CAMTA1: variants seen among roughly 807,000 people sequenced by gnomAD.
CAMTA1 encodes calmodulin-binding transcription activator 1.
CAMTA1 carries 27 observed loss-of-function variants against 170.9 expected under a neutral mutation model. The ratio of observed to expected loss-of-function variants is 0.16; its 90% CI spans 0.12 to 0.22. CAMTA1 has a LOEUF of 0.22. Among genes scored for constraint, CAMTA1 ranks in the 10% least tolerant of loss-of-function variants. The pLI is 1.00. For missense variants in CAMTA1, 1,619 were observed against 2,217.2 expected (o/e 0.73, Z 5.42); for synonymous variants, 833 against 891.5 (o/e 0.93, Z 1.17).
chr1:7,232,222 T>G (rs572264470), intron 4 of CAMTA1, among the ~76,000 whole-genome samples: 3 of 140,280 alleles, frequency 2.1e-5, no homozygotes, highest in Admixed American at 7.3e-5. Flanking sequence ...GACAGTTGCC[T>G]GGAATCCCAG....
At chr1:7,666,415 C>G (rs2096002336) in intron 9 of CAMTA1, among the ~76,000 whole-genome samples, 1 of 152,198 alleles carries the variant, frequency 6.6e-6, no homozygotes, top group South Asian at 2.1e-4. Flanking sequence ...GCCGCCTCAG[C>G]TCCCGGGGAT....
At chr1:7,006,235 A>G (rs915456333) in intron 3 of CAMTA1, among the ~76,000 whole-genome samples, 1 of 152,224 alleles carries the variant, frequency 6.6e-6, no homozygotes, top group Non-Finnish European at 1.5e-5. Context: ...TATCCTTAAA[A>G]TCCTGGATGG....
intron 5 of CAMTA1, among the ~76,000 whole-genome samples, chr1:7,407,625 C>T (rs144373824): frequency 1.2e-4 from 18 of 152,238 alleles, no homozygotes; most frequent in Non-Finnish European, 1.2e-4. Context: ...GTCTCTAGGC[C>T]CCTCTGGCTT....
intron 5 of CAMTA1, among the ~76,000 whole-genome samples, chr1:7,354,252 C>A (rs1297521509): frequency 6.6e-6 from 1 of 151,918 alleles, no homozygotes; most frequent in African/African-American, 2.4e-5. Context: ...GGGTTCACGC[C>A]ATTCTCCTGC....
At chr1:6,857,335 T>G (rs1040045853) in intron 3 of CAMTA1, among the ~76,000 whole-genome samples, 1 of 152,242 alleles carries the variant, frequency 6.6e-6, no homozygotes, top group African/African-American at 2.4e-5. Context: ...GGTTTCTGGC[T>G]TAAGTCATTA....
intron 11 of CAMTA1, among the ~76,000 whole-genome samples, chr1:7,703,314 G>A (rs2096462853): frequency 6.6e-6 from 1 of 152,096 alleles, no homozygotes; most frequent in African/African-American, 2.4e-5. Context: ...CGGGGGGCGG[G>A]CGAGGGGTAG....
In CAMTA1 at chr1:7,747,769, A is replaced by G. The variant is rs2096866865; in HGVS notation, c.4677A>G (p.Arg1559=). Residue 1559 remains arginine, a synonymous_variant, in exon 19 of 23, where the codon AGA becomes AGG. Coordinates refer to ENST00000303635, the MANE Select transcript of CAMTA1 (RefSeq NM_015215.4). ...VAAAVIQRCY[R]KYKQYALYKK... Reference sequence around the variant, plus strand: ...CTGCTGTTATTCAGCGTTGTTACAGAAAATATAAACAGGTAAACCTCAGTT... The same window carrying G: ...CTGCTGTTATTCAGCGTTGTTACAGGAAATATAAACAGGTAAACCTCAGTT... The G allele has an allele frequency of 6.2e-7, 1 of 1,612,152 alleles. No individual in the cohort carries two copies. Among genetic ancestry groups the G allele is most frequent in the African/African-American group, 1.3e-5 (1 of 74,796 alleles).
chr1:7,031,546 CT>C (rs1172108544), intron 3 of CAMTA1, among the ~76,000 whole-genome samples: 3 of 151,892 alleles, frequency 2.0e-5, no homozygotes, highest in Non-Finnish European at 4.4e-5. Context: ...CAGTCTCTGT[CT>C]TTTTTTTCTT....
At chr1:7,196,227 C>T in intron 4 of CAMTA1, among the ~76,000 whole-genome samples, 1 of 152,094 alleles carries the variant, frequency 6.6e-6, no homozygotes, top group East Asian at 1.9e-4. Flanking sequence ...TCCTACTCCA[C>T]CTGGTAAGAC....
At position 7,426,151 on chromosome 1, in the gene CAMTA1, T is replaced by C. The variant is rs2091864997; in HGVS notation, c.439-41679T>C. On this transcript the variant is annotated intron_variant, in intron 5 of 22. Coordinates refer to ENST00000303635, the MANE Select transcript of CAMTA1 (RefSeq NM_015215.4). This position sits in a 1 kb window ranked among gnomAD's most constrained non-coding sequence, Gnocchi z 4.8. ...CCATCTCTAAACACTTCTGAGCAGA[T>C]TACCTTTCCAGCCTGACTTTAACAG... Among the ~76,000 whole-genome samples the C allele has an allele frequency of 6.6e-6, 1 of 151,872 alleles. No individual in the cohort carries two copies. The highest frequency in any genetic ancestry group is 1.5e-5 in the Non-Finnish European group (1 of 68,036).
intron 11 of CAMTA1, among the ~76,000 whole-genome samples, chr1:7,712,681 A>G (rs17031466): frequency 0.024 from 3,687 of 152,300 alleles, 131 homozygotes; most frequent in African/African-American, 0.083. Context: ...GAGGTGGCTC[A>G]GATAATTAAA....
chr1:7,016,701 G>A (rs1700594867), intron 3 of CAMTA1, among the ~76,000 whole-genome samples: 1 of 152,128 alleles, frequency 6.6e-6, no homozygotes, highest in Non-Finnish European at 1.5e-5. Context: ...CTTGCGTGGT[G>A]GCAGACACCT....
chr1:7,071,732 G>C (rs1466121742), intron 3 of CAMTA1, among the ~76,000 whole-genome samples: 1 of 152,192 alleles, frequency 6.6e-6, no homozygotes. Context: ...ATCATTCAGA[G>C]ATTGACTCTT....
intron 6 of CAMTA1, among the ~76,000 whole-genome samples, chr1:7,567,200 G>C (rs1205390529): frequency 6.6e-6 from 1 of 152,204 alleles, no homozygotes; most frequent in African/African-American, 2.4e-5. Flanking sequence ...GAGTAGAAGG[G>C]GCCCATGGTG....
chr1:7,696,047 G>A (rs1232973065), intron 11 of CAMTA1, among the ~76,000 whole-genome samples: 1 of 152,100 alleles, frequency 6.6e-6, no homozygotes, highest in African/African-American at 2.4e-5. Context: ...CATTTTCACG[G>A]GTACCTGACA....
At chr1:6,875,227 G>A (rs1284682090) in intron 3 of CAMTA1, among the ~76,000 whole-genome samples, 3 of 152,222 alleles carry the variant, frequency 2.0e-5, no homozygotes, top group East Asian at 1.9e-4. Context: ...CCTAGGAAAC[G>A]GTTTTGCCCT....
chr1:7,465,302 T>C (rs147309528), intron 5 of CAMTA1, among the ~76,000 whole-genome samples: 94 of 152,296 alleles, frequency 6.2e-4, no homozygotes, highest in African/African-American at 2.2e-3. Flanking sequence ...TAGCCCAGTG[T>C]GCTGAGCCAG....
chr1:7,460,206 C>A (rs1263347927), intron 5 of CAMTA1, among the ~76,000 whole-genome samples: 1 of 152,252 alleles, frequency 6.6e-6, no homozygotes, highest in Admixed American at 6.5e-5. Flanking sequence ...CCCGTGGCGG[C>A]CCCTCTGCTT....
chr1:7,703,354 C>T (rs1244372257), intron 11 of CAMTA1, among the ~76,000 whole-genome samples: 1 of 152,120 alleles, frequency 6.6e-6, no homozygotes, highest in East Asian at 1.9e-4. Context: ...TGACCTAGAG[C>T]AGGATTGGAA....
Sources: gnomAD v4.1 joint callset for allele counts (sites outside exome capture counted in the v4.1 genomes callset) on GRCh38, gnomAD v4.1.1 for gene constraint, Gnocchi (gnomAD v3.1) non-coding constraint, MANE v1.5 for transcripts, NCBI Gene and HGNC (gene_info 2026-07-23, HGNC 2026-07-21) for gene names.